Variants in CTDP1 observed in about 807,000 individuals in gnomAD.
The protein encoded by CTDP1 is CTD phosphatase 1.
CTDP1 carries 47 observed loss-of-function variants against 91.8 expected under a neutral mutation model. The ratio of observed to expected loss-of-function variants is 0.51; its 90% CI spans 0.41 to 0.65. The LOEUF is 0.65. Among genes scored for constraint, CTDP1 ranks in the 30% least tolerant of loss-of-function variants. The pLI is 0.00. For missense variants in CTDP1, 1,272 were observed against 1,373.7 expected (o/e 0.93, Z 1.17); for synonymous variants, 656 against 598.5 (o/e 1.10, Z -1.40).
rs1025499098 is a variant in CTDP1 at position 79,735,168 on chromosome 18, G to A, written c.2581-1187G>A. 6.6e-5 allele frequency among the ~76,000 whole-genome samples: 10 copies of A among 152,186 alleles called. No homozygotes were observed. The South Asian group carries it at 8.3e-4, about 13-fold the overall frequency. ...GACTCGGCCTCGACTGCTCCGAACC[G>A]CGCCTGTCTCGGGAGTTGTGCTCCG... On this transcript the variant is annotated intron_variant, in intron 11 of 12. Coordinates refer to ENST00000613122, the MANE Select transcript of CTDP1 (RefSeq NM_004715.5).
chr18:79,726,154 A>T (rs474571), intron 10 of CTDP1, among the ~76,000 whole-genome samples: 6 of 152,072 alleles, frequency 3.9e-5, no homozygotes, highest in Admixed American at 1.3e-4. Flanking sequence ...TATCTCGTGC[A>T]TCTCTAAGCT....
In CTDP1 at chr18:79,736,318, G is replaced by GA. The variant is rs1358192481; in HGVS notation, c.2581-35dup. On this transcript the variant is annotated intron_variant, in intron 11 of 12. Coordinates refer to ENST00000613122, the MANE Select transcript of CTDP1 (RefSeq NM_004715.5). ...CCTGTTGCGGAGGAACGGGGCCCGG[G>GA]AAGGAGGTCTGTCGCTGACTCTTGG... The GA allele has an allele frequency of 3.2e-6, 5 of 1,548,608 alleles. No individual in the cohort carries two copies. In the African/African-American group the frequency reaches 6.8e-5, roughly 21 times the overall value.
chr18:79,696,077 C>T lies in CTDP1; in HGVS notation c.492+7C>T, dbSNP rs115851227. On this transcript the variant is annotated splice_region_variant and intron_variant, in intron 3 of 12. Coordinates refer to ENST00000613122, the MANE Select transcript of CTDP1 (RefSeq NM_004715.5). ...GTTGATGGTGAGCTCCGAGGTGAGC[C>T]GGGCATCAGTGGCGGCGTGTTGGGG... 2.7e-3 allele frequency: 4,402 copies of T among 1,609,916 alleles called. 120 individuals carry two copies. The African/African-American group carries it at 0.053, about 19-fold the overall frequency.
At position 79,736,677 on chromosome 18, in the gene CTDP1, C is replaced by A. The variant is rs4799081; in HGVS notation, c.2747+156C>A. Among the ~76,000 whole-genome samples, 111,170 of 152,126 alleles carry A rather than the reference C, an allele frequency of 0.73. 41,304 individuals are homozygous for A. The highest frequency in any genetic ancestry group is 0.79 in the Non-Finnish European group (53,822 of 67,984). ...CAAACTCAGCAGCCCCTGGTGATGG[C>A]CACTTGGTTGTCTCCATGCTGATCC... On this transcript the variant is annotated intron_variant, in intron 12 of 12. Coordinates refer to ENST00000613122, the MANE Select transcript of CTDP1 (RefSeq NM_004715.5).
chr18:79,700,827 A>G (rs1367042207), intron 4 of CTDP1, among the ~76,000 whole-genome samples: 1 of 152,082 alleles, frequency 6.6e-6, no homozygotes, highest in Non-Finnish European at 1.5e-5. Flanking sequence ...GGACAGGCTG[A>G]CTCTCTCGTT....
chr18:79,716,500 C>T (rs1369438412), intron 8 of CTDP1, among the ~76,000 whole-genome samples: 1 of 152,232 alleles, frequency 6.6e-6, no homozygotes, highest in Non-Finnish European at 1.5e-5. Context: ...GACCCTTGAT[C>T]CCAGGAGAAA....
intron 11 of CTDP1, among the ~76,000 whole-genome samples, chr18:79,730,911 C>T (rs74632968): frequency 0.012 from 1,768 of 152,354 alleles, 20 homozygotes; most frequent in Middle Eastern, 0.034. Context: ...TGAGCCGTGG[C>T]GCCTGGTTAT....
intron 4 of CTDP1, among the ~76,000 whole-genome samples, chr18:79,700,834 C>T (rs969610856): frequency 2.6e-5 from 4 of 152,206 alleles, no homozygotes; most frequent in African/African-American, 4.8e-5. Context: ...CTGACTCTCT[C>T]GTTGGAGACT....
At position 79,722,007 on chromosome 18, in the gene CTDP1, A is replaced by G. The variant is rs180909420; in HGVS notation, c.2417+3991A>G. Reference sequence around the variant, plus strand: ...CCTGGCTAATCTGTGTATTTTTAGCAGAGATGGGGTTTCATCATGTTGCTG... The same window carrying G: ...CCTGGCTAATCTGTGTATTTTTAGCGGAGATGGGGTTTCATCATGTTGCTG... On this transcript the variant is annotated intron_variant, in intron 10 of 12. Coordinates refer to ENST00000613122, the MANE Select transcript of CTDP1 (RefSeq NM_004715.5). Among the ~76,000 whole-genome samples the G allele has an allele frequency of 4.6e-5, 7 of 152,274 alleles. No individual in the cohort carries two copies. The East Asian group carries it at 1.3e-3, about 29-fold the overall frequency.
intron 12 of CTDP1, among the ~76,000 whole-genome samples, chr18:79,745,320 C>T (rs1258633611): frequency 1.8e-5 from 2 of 110,534 alleles, no homozygotes; most frequent in Non-Finnish European, 3.6e-5. Flanking sequence ...TCTGTCCCTG[C>T]GTCCCTCCCG....
In CTDP1 at chr18:79,728,916, G is replaced by T. The variant is rs1395988601; in HGVS notation, c.2427G>T (p.Pro809=). The T allele has an allele frequency of 6.2e-7, 1 of 1,613,890 alleles. No homozygotes were observed. The highest frequency in any genetic ancestry group is 1.3e-5 in the African/African-American group (1 of 74,952). The change falls in exon 11 of 13, where the codon CCG becomes CCT. Residue 809 remains proline (P), a synonymous_variant. Transcript: ENST00000613122. ...RQEPSSFRAV[P]PPQPQMFGEE... ...ATGAAATTCCTTTCAGAGCGGTTCCGCCACCCCAGCCGCAGATGTTTGGTG... is the reference window on the plus strand; with the variant it reads ...ATGAAATTCCTTTCAGAGCGGTTCCTCCACCCCAGCCGCAGATGTTTGGTG...
chr18:79,731,306 T>C (rs1270817180), intron 11 of CTDP1, among the ~76,000 whole-genome samples: 1 of 152,160 alleles, frequency 6.6e-6, no homozygotes, highest in East Asian at 1.9e-4. Context: ...TAGGTGGGCA[T>C]TGGCTGCTCC....
chr18:79,719,561 G>C (rs2086291635), intron 10 of CTDP1, among the ~76,000 whole-genome samples: 1 of 150,036 alleles, frequency 6.7e-6, no homozygotes, highest in African/African-American at 2.5e-5. Flanking sequence ...GTCACCTCCA[G>C]TTGTTAGGAA....
In CTDP1 at chr18:79,713,199, CTTAT is replaced by C; in HGVS notation, c.1030+64_1030+67del. 6.7e-7 allele frequency: 1 copy of C among 1,492,658 alleles called. No individual in the cohort carries two copies. Among genetic ancestry groups the C allele is most frequent in the South Asian group, 1.2e-5 (1 of 85,572 alleles). The allele number at this position is 1,492,658 out of a possible 1,614,324, so 92.5% of individuals were successfully genotyped here. A position where few individuals can be genotyped will look rare whatever the true frequency, so the allele number is the denominator to read the frequency against. ...CACATTTGCTTATTGTTTAGCTCTT[CTTAT>C]TTCTTATCTCTGTTTTGACTGCTAT... is the stretch of plus-strand genomic sequence containing the variant. On this transcript the variant is annotated intron_variant, in intron 7 of 12. Coordinates refer to ENST00000613122, the MANE Select transcript of CTDP1 (RefSeq NM_004715.5). This position sits in a 1 kb window ranked among gnomAD's most constrained non-coding sequence, Gnocchi z 4.7.
chr18:79,722,233 C>A (rs555647732), intron 10 of CTDP1, among the ~76,000 whole-genome samples: 32 of 152,316 alleles, frequency 2.1e-4, no homozygotes, highest in African/African-American at 7.0e-4. Context: ...AACACTTTTA[C>A]TTGAATGACA....
intron 1 of CTDP1, among the ~76,000 whole-genome samples, chr18:79,683,453 C>T (rs771515977): frequency 3.7e-4 from 56 of 152,202 alleles, no homozygotes; most frequent in Non-Finnish European, 7.5e-4. Flanking sequence ...CGTGTGAGGG[C>T]AGGGGAGGTG....
intron 2 of CTDP1, among the ~76,000 whole-genome samples, 163 bp downstream of exon 2, chr18:79,695,471 C>A (rs1029519657): frequency 1.3e-5 from 2 of 152,314 alleles, no homozygotes; most frequent in Admixed American, 1.3e-4. Flanking sequence ...CAATGGGTTT[C>A]CCTGGAGGCA....
At chr18:79,707,793 G>A (rs917167497) in intron 5 of CTDP1, among the ~76,000 whole-genome samples, 3 of 152,326 alleles carry the variant, frequency 2.0e-5, no homozygotes, top group South Asian at 2.1e-4. Context: ...TTCTACAAGT[G>A]AGAAAGTGAG....
chr18:79,720,860 C>G (rs1366369806), intron 10 of CTDP1, among the ~76,000 whole-genome samples: 1 of 152,228 alleles, frequency 6.6e-6, no homozygotes, highest in African/African-American at 2.4e-5. Flanking sequence ...GGCCACCTCA[C>G]TGTCCAGCTT....
Sources: gnomAD v4.1 joint callset for allele counts (sites outside exome capture counted in the v4.1 genomes callset) on GRCh38, gnomAD v4.1.1 for gene constraint, Gnocchi (gnomAD v3.1) non-coding constraint, MANE v1.5 for transcripts, NCBI Gene and HGNC (gene_info 2026-07-23, HGNC 2026-07-21) for gene names.